Variants in ANKS1B observed in about 807,000 individuals in gnomAD.
The protein encoded by ANKS1B is ankyrin repeat and sterile alpha motif domain containing 1B.
A neutral mutation model predicts 148.3 loss-of-function variants in ANKS1B; 36 were observed. That is an observed-to-expected ratio of 0.24 (90% CI 0.19 to 0.32). The LOEUF (loss-of-function observed/expected upper bound fraction) is 0.32. Ranked by LOEUF, ANKS1B falls within the 10% of genes least tolerant of loss-of-function variation. The pLI, the probability that ANKS1B is intolerant of heterozygous loss-of-function variation, is 1.00. For missense variants in ANKS1B, 1,157 were observed against 1,542.6 expected (o/e 0.75, Z 4.19); for synonymous variants, 542 against 560.8 (o/e 0.97, Z 0.47).
At chr12:99,390,462 G>T (rs922758766) in intron 12 of ANKS1B, among the ~76,000 whole-genome samples, 1 of 152,188 alleles carries the variant, frequency 6.6e-6, no homozygotes, top group Admixed American at 6.5e-5. Flanking sequence ...GAAGAGAAAG[G>T]ACATACCAGC....
chr12:99,246,692 G>A lies in ANKS1B; in HGVS notation c.1929C>T (p.Asn643=). 1 of 1,613,956 alleles carries A rather than the reference G, an allele frequency of 6.2e-7. No homozygotes were observed. The highest frequency in any genetic ancestry group is 1.1e-5 in the South Asian group (1 of 91,078). ...GAGACTGCTTGAAAGGCAAAGGACT[G>A]TTTGCCAAACTGACTTCATCTTGTC... ...EKGQDEVSLA[N]SPLPFKQSPI... Residue 643 remains asparagine, a synonymous_variant, in exon 13 of 27, where the codon AAC becomes AAT. Coordinates refer to ENST00000683438, the MANE Select transcript of ANKS1B (RefSeq NM_001352186.2).
intron 17 of ANKS1B, among the ~76,000 whole-genome samples, chr12:99,046,136 C>T (rs1045554249): frequency 3.3e-5 from 5 of 152,160 alleles, no homozygotes; most frequent in Admixed American, 6.5e-5. Flanking sequence ...GTATTGCCCT[C>T]GTGGTGGGGA....
chr12:99,716,966 C>T (rs978165518), intron 8 of ANKS1B, among the ~76,000 whole-genome samples: 4 of 152,200 alleles, frequency 2.6e-5, no homozygotes, highest in Admixed American at 2.6e-4. Flanking sequence ...GACTAGCCCT[C>T]ACCCACCTGC....
chr12:99,863,991 C>A lies in ANKS1B; in HGVS notation c.135-38602G>T, dbSNP rs12314606. ...GGCTGAGGCAGGAGAATCACTTGAA[C>A]CAGGGAGTCAGAGGTTGAGTTGGAG... is the stretch of plus-strand genomic sequence containing the variant. On this transcript the variant is annotated intron_variant, in intron 1 of 26. Coordinates refer to ENST00000683438, the MANE Select transcript of ANKS1B (RefSeq NM_001352186.2). Among the ~76,000 whole-genome samples the A allele has an allele frequency of 2.0e-3, 291 of 149,144 alleles. 1 individual carries two copies. Among genetic ancestry groups the A allele is most frequent in the African/African-American group, 7.0e-3 (282 of 40,418 alleles).
At chr12:98,925,240 T>C (rs1383105138) in intron 17 of ANKS1B, among the ~76,000 whole-genome samples, 8 of 152,192 alleles carry the variant, frequency 5.3e-5, no homozygotes, top group Non-Finnish European at 1.2e-4. Context: ...AGTAACAATA[T>C]GAAGCTAATT....
chr12:99,338,099 G>A (rs2089275120), intron 12 of ANKS1B, among the ~76,000 whole-genome samples: 1 of 152,162 alleles, frequency 6.6e-6, no homozygotes, highest in African/African-American at 2.4e-5. Context: ...ACAGGCTTGT[G>A]TACTTCCCTT....
chr12:98,964,220 A>G (rs1298128086), intron 17 of ANKS1B, among the ~76,000 whole-genome samples: 1 of 152,230 alleles, frequency 6.6e-6, no homozygotes, highest in Non-Finnish European at 1.5e-5. Context: ...TGATCATCAG[A>G]GAAATGCAAA....
intron 12 of ANKS1B, among the ~76,000 whole-genome samples, chr12:99,297,768 T>G (rs1373758188): frequency 6.6e-6 from 1 of 152,170 alleles, no homozygotes; most frequent in Non-Finnish European, 1.5e-5. Flanking sequence ...TCTAGTGTTC[T>G]ATTATTAGCC....
chr12:99,498,087 T>C (rs1166517048), intron 10 of ANKS1B, among the ~76,000 whole-genome samples: 1 of 152,192 alleles, frequency 6.6e-6, no homozygotes, highest in African/African-American at 2.4e-5. Flanking sequence ...TCAGCTTTGT[T>C]TCCCCTTGCC....
intron 9 of ANKS1B, among the ~76,000 whole-genome samples, chr12:99,588,954 T>TA (rs2097671792): frequency 6.6e-6 from 1 of 152,230 alleles, no homozygotes; most frequent in East Asian, 1.9e-4. Flanking sequence ...ACCTATCAGA[T>TA]AAAATTAAGA....
chr12:99,559,327 T>C (rs2097308952), intron 9 of ANKS1B, among the ~76,000 whole-genome samples: 1 of 152,174 alleles, frequency 6.6e-6, no homozygotes, highest in Non-Finnish European at 1.5e-5. Context: ...TCAGTGTTGA[T>C]TTTGCACAAT....
intron 19 of ANKS1B, among the ~76,000 whole-genome samples, chr12:98,816,018 C>T (rs939135415): frequency 6.6e-6 from 1 of 152,112 alleles, no homozygotes; most frequent in South Asian, 2.1e-4. Flanking sequence ...CCACACTGCT[C>T]TACCTCCCTA....
In ANKS1B at chr12:99,572,021, T is replaced by C. The variant is rs543894650; in HGVS notation, c.1273-67380A>G. Among the ~76,000 whole-genome samples the C allele has an allele frequency of 3.9e-5, 6 of 152,184 alleles. No homozygotes were observed. In the South Asian group the frequency reaches 1.2e-3, roughly 32 times the overall value. Reference sequence around the variant, plus strand: ...AAACATGACAGGTTTGAGAAGAATTTGATGCAAAATAAAATGGGATGAGAT... The same window carrying C: ...AAACATGACAGGTTTGAGAAGAATTCGATGCAAAATAAAATGGGATGAGAT... On this transcript the variant is annotated intron_variant, in intron 9 of 26. Transcript: ENST00000683438.
intron 8 of ANKS1B, among the ~76,000 whole-genome samples, chr12:99,676,679 A>G (rs968163260): frequency 1.3e-5 from 2 of 152,238 alleles, no homozygotes; most frequent in Non-Finnish European, 2.9e-5. Context: ...ACTTGAGCTT[A>G]TGAAATGCAT....
intron 8 of ANKS1B, among the ~76,000 whole-genome samples, chr12:99,766,427 T>G (rs1434361926): frequency 6.6e-6 from 1 of 152,116 alleles, no homozygotes; most frequent in African/African-American, 2.4e-5. Context: ...CTAGATTCCC[T>G]AAGGTTACAA....
chr12:99,449,605 AG>A (rs1342265138), intron 10 of ANKS1B, among the ~76,000 whole-genome samples: 2 of 152,164 alleles, frequency 1.3e-5, no homozygotes, highest in African/African-American at 4.8e-5. Context: ...GGCACATAAT[AG>A]GGGTTTTCAG....
intron 26 of ANKS1B, 147 bp from the exon 27 acceptor site, chr12:98,745,996 T>G (rs1252005226): frequency 1.3e-5 from 10 of 770,654 alleles, no homozygotes; most frequent in Non-Finnish European, 2.0e-5. Flanking sequence ...GGCTCGCTCT[T>G]TGGACACACA....
At chr12:98,939,150 G>A (rs989142291) in intron 17 of ANKS1B, among the ~76,000 whole-genome samples, 1 of 152,170 alleles carries the variant, frequency 6.6e-6, no homozygotes, top group Admixed American at 6.5e-5. Context: ...TAAAGTGTAT[G>A]GAATTACAAG....
chr12:99,855,900 A>G (rs1286471843), intron 1 of ANKS1B, among the ~76,000 whole-genome samples: 1 of 152,150 alleles, frequency 6.6e-6, no homozygotes, highest in Non-Finnish European at 1.5e-5. Flanking sequence ...AACCTCTGGG[A>G]TACAGCAAAG....
Sources: gnomAD v4.1 joint callset for allele counts (sites outside exome capture counted in the v4.1 genomes callset) on GRCh38, gnomAD v4.1.1 for gene constraint, MANE v1.5 for transcripts, NCBI Gene and HGNC (gene_info 2026-07-23, HGNC 2026-07-21) for gene names.